Variants in EP300 observed in about 807,000 individuals in gnomAD.
EP300 encodes the protein EP300 lysine acetyltransferase, also known as histone acetyltransferase p300.
A neutral mutation model predicts 264.0 loss-of-function variants in EP300; 31 were observed. That is an observed-to-expected ratio of 0.12 (90% confidence interval 0.09 to 0.16). EP300 has a LOEUF of 0.16. EP300 is among the 10% of genes least tolerant of loss of function. The pLI, the probability that EP300 is intolerant of heterozygous loss-of-function variation, is 1.00. For missense variants in EP300, 2,766 were observed against 3,052.9 expected, an observed-to-expected ratio of 0.91 and a Z score of 2.21; for synonymous variants, 1,340 against 1,045.4, an observed-to-expected ratio of 1.28 and a Z score of -5.44.
At chr22:41,143,063 A>G (rs1261266522) in intron 10 of EP300, among the ~76,000 whole-genome samples, 1 of 152,244 alleles carries the variant, frequency 6.6e-6, no homozygotes, top group African/African-American at 2.4e-5. Context: ...ACTGAGTATC[A>G]GCCTTAAGTA....
In EP300 at chr22:41,179,671, A is replaced by G. The variant is rs1458971413; in HGVS notation, c.*715A>G. On this transcript the variant is annotated 3_prime_UTR_variant, in exon 31 of 31. Transcript: ENST00000263253. Reference sequence around the variant, plus strand: ...TGTAGAGAGAAAAATGACTTTTTCAAAAATATACAGGGGCAGCTGCCAAAT... The same window carrying G: ...TGTAGAGAGAAAAATGACTTTTTCAGAAATATACAGGGGCAGCTGCCAAAT... The G allele has an allele frequency of 4.4e-6, 1 of 228,766 alleles. No homozygotes were observed. Among genetic ancestry groups the G allele is most frequent in the Non-Finnish European group, 8.7e-6 (1 of 115,256 alleles). The allele number at this position is 228,766 out of a possible 1,614,324, so 14.2% of individuals were successfully genotyped here.
At chr22:41,164,487 G>A (rs1247304900) in intron 22 of EP300, among the ~76,000 whole-genome samples, 3 of 152,096 alleles carry the variant, frequency 2.0e-5, no homozygotes, top group African/African-American at 7.2e-5. Context: ...CGAGGCGGGC[G>A]GATCACCTGA....
At chr22:41,160,437 A>C (rs1185410088) in intron 19 of EP300, 27 of 540,410 alleles carry the variant, frequency 5.0e-5, no homozygotes, top group Middle Eastern at 4.9e-4. Context: ...AAAACAAAAA[A>C]AAACAAAAAA....
chr22:41,125,383 G>A (rs922876284), intron 2 of EP300, among the ~76,000 whole-genome samples: 2 of 151,600 alleles, frequency 1.3e-5, no homozygotes, highest in Non-Finnish European at 1.5e-5. Flanking sequence ...CTCCCAAAGT[G>A]CTGAGATTAC....
intron 29 of EP300, 55 bp downstream of exon 29, chr22:41,173,839 T>C (rs1255507680): frequency 4.4e-6 from 7 of 1,607,770 alleles, no homozygotes; most frequent in South Asian, 2.2e-5. Context: ...TGGCCAGGCA[T>C]GGTGGCTCAC....
intron 8 of EP300, 152 bp downstream of exon 8, chr22:41,137,942 C>A: frequency 9.1e-7 from 1 of 1,094,386 alleles, no homozygotes; most frequent in Non-Finnish European, 1.3e-6. Context: ...GGATTTCTTG[C>A]TGCTGCTGCT....
At chr22:41,097,256 T>A (rs2145671984) in intron 1 of EP300, among the ~76,000 whole-genome samples, 1 of 152,320 alleles carries the variant, frequency 6.6e-6, no homozygotes, top group East Asian at 1.9e-4. Flanking sequence ...GACTTTTAAG[T>A]TGTAAATCTT....
rs140512503 is a variant in EP300, at chr22:41,166,887, T to TA, written c.3874+222dup. 8.5e-3 allele frequency among the ~76,000 whole-genome samples: 1,288 copies of TA among 152,344 alleles called. 26 individuals are homozygous for TA. The highest frequency in any genetic ancestry group is 0.029 in the African/African-American group (1,219 of 41,566). On this transcript the variant is annotated intron_variant, in intron 23 of 30. Transcript: ENST00000263253. The stretch of plus-strand genomic sequence containing the variant: ...GAACGGATTTGTAGAATGCACAAGA[T>TA]ACGTGTTTTTCCTGTTCCTATATTT...
At chr22:41,164,715 A>G (rs1249176941) in intron 22 of EP300, among the ~76,000 whole-genome samples, 2 of 152,328 alleles carry the variant, frequency 1.3e-5, no homozygotes, top group Non-Finnish European at 2.9e-5. Flanking sequence ...ACTCTGTCTC[A>G]AAGAAAAAAG....
chr22:41,163,046 G>A (rs1378334602), intron 21 of EP300, among the ~76,000 whole-genome samples: 2 of 152,186 alleles, frequency 1.3e-5, no homozygotes, highest in South Asian at 2.1e-4. Flanking sequence ...AGATCATGGA[G>A]GACTGACATG....
At chr22:41,119,772 G>A (rs913412979) in intron 2 of EP300, among the ~76,000 whole-genome samples, 7 of 152,060 alleles carry the variant, frequency 4.6e-5, no homozygotes, top group Admixed American at 4.6e-4. Flanking sequence ...TGATGAGAAG[G>A]AGGAATTCAA....
At chr22:41,158,661 AC>A (rs2059091029) in intron 19 of EP300, 161 bp downstream of exon 19, 8 of 650,842 alleles carry the variant, frequency 1.2e-5, no homozygotes, top group Non-Finnish European at 2.2e-5. Flanking sequence ...TGTTTGCAGA[AC>A]AATAAAATTT....
At chr22:41,127,122 A>G (rs2145709502) in intron 3 of EP300, among the ~76,000 whole-genome samples, 1 of 151,926 alleles carries the variant, frequency 6.6e-6, no homozygotes, top group Admixed American at 6.6e-5. Flanking sequence ...AACCCGAAAG[A>G]CCCCTCTGCT....
rs143148170 is a variant in EP300, at chr22:41,178,872, T to C, written c.7161T>C (p.Gly2387=). Reference sequence around the variant, plus strand: ...ATCCAGGCATGGCAAACCTCCATGGTGCAAGCGCCACGGACCTGGGACTCA... The same window carrying C: ...ATCCAGGCATGGCAAACCTCCATGGCGCAAGCGCCACGGACCTGGGACTCA... ...ASNPGMANLH[G]ASATDLGLST... The change falls in exon 31 of 31, where the codon GGT becomes GGC. Residue 2387 remains glycine, a synonymous_variant. Coordinates refer to ENST00000263253, the MANE Select transcript of EP300 (RefSeq NM_001429.4). 2.5e-5 allele frequency: 40 copies of C among 1,614,026 alleles called. No homozygotes were observed. The African/African-American group carries it at 5.1e-4, about 20-fold the overall frequency.
intron 27 of EP300, among the ~76,000 whole-genome samples, chr22:41,170,962 CTTTT>C (rs566562957): frequency 7.3e-6 from 1 of 136,628 alleles, no homozygotes; most frequent in Admixed American, 7.3e-5. Flanking sequence ...CGTGCCCAGC[CTTTT>C]TTTTTTTTTT....
intron 1 of EP300, among the ~76,000 whole-genome samples, chr22:41,093,833 A>G (rs1287444275): frequency 2.0e-5 from 3 of 152,166 alleles, no homozygotes; most frequent in Non-Finnish European, 4.4e-5. Flanking sequence ...ATTTTAGGGG[A>G]AATAAGATAA....
Position 41,173,551 on chromosome 22 carries a change from A to G in EP300, c.4618-72A>G, listed in dbSNP as rs556051011. The G allele has an allele frequency of 1.7e-5, 25 of 1,464,046 alleles. No individual in the cohort carries two copies. In the East Asian group the frequency reaches 5.5e-4, roughly 32 times the overall value. The allele number at this position is 1,464,046 out of a possible 1,614,324, so 90.7% of individuals were successfully genotyped here. ...TATGATATCTAGTTTCAAAGAAGGG[A>G]GATATTCTGTGCTATTCCCAAATTA... On this transcript the variant is annotated intron_variant, in intron 28 of 30. Transcript: ENST00000263253.
intron 2 of EP300, among the ~76,000 whole-genome samples, chr22:41,121,606 G>T (rs942168843): frequency 6.6e-6 from 1 of 152,152 alleles, no homozygotes; most frequent in African/African-American, 2.4e-5. Context: ...GTCTGCCATA[G>T]AGGAGCTTGG....
intron 2 of EP300, among the ~76,000 whole-genome samples, chr22:41,119,977 C>G (rs2058843311): frequency 6.6e-6 from 1 of 152,092 alleles, no homozygotes; most frequent in Non-Finnish European, 1.5e-5. Flanking sequence ...CCAAGCCTGG[C>G]TAATTTTTGT....
Sources: gnomAD v4.1 joint callset for allele counts (sites outside exome capture counted in the v4.1 genomes callset) on GRCh38, gnomAD v4.1.1 for gene constraint, MANE v1.5 for transcripts, NCBI Gene and HGNC (gene_info 2026-07-23, HGNC 2026-07-21) for gene names.